Variants in SUZ12 observed in about 807,000 individuals in gnomAD.
The protein encoded by SUZ12 is polycomb protein SUZ12.
SUZ12 carries 17 observed loss-of-function variants against 87.3 expected under a neutral mutation model. That is an observed-to-expected ratio of 0.19 (90% CI 0.13 to 0.29). SUZ12 has a LOEUF of 0.29. Ranked by LOEUF, SUZ12 falls within the 10% of genes least tolerant of loss-of-function variation. SUZ12 has a pLI of 1.00. For missense variants in SUZ12, 526 were observed against 912.2 expected (o/e 0.58, Z 5.45); for synonymous variants, 253 against 312.4 (o/e 0.81, Z 2.01).
rs796524233 is a variant in SUZ12 at position 31,956,076 on chromosome 17, C to A, written c.455+8391C>A. ...TATAGGCGCCTGCCACCACGCCCGG[C>A]TAATTTTTTGTATTTTTTAGTAGAG... On this transcript the variant is annotated intron_variant, in intron 4 of 15. Coordinates refer to ENST00000322652, the MANE Select transcript of SUZ12 (RefSeq NM_015355.4). Among the ~76,000 whole-genome samples, 401 of 152,026 alleles carry A rather than the reference C, an allele frequency of 2.6e-3. 5 individuals are homozygous for A. Among genetic ancestry groups the A allele is most frequent in the African/African-American group, 9.1e-3 (379 of 41,494 alleles).
At chr17:31,945,061 CAAAAAAAA>C (rs34314619) in intron 3 of SUZ12, among the ~76,000 whole-genome samples, 4 of 79,256 alleles carry the variant, frequency 5.0e-5, no homozygotes, top group South Asian at 9.2e-4. Context: ...GATGGTGTCT[CAAAAAAAA>C]AAAAAAAAAA....
intron 8 of SUZ12, among the ~76,000 whole-genome samples, chr17:31,982,335 ATTGT>A (rs3084091): frequency 0.18 from 27,595 of 151,952 alleles, 3,059 homozygotes; most frequent in African/African-American, 0.31. Context: ...TAAGACAAGC[ATTGT>A]TTGTAACACT....
At chr17:31,937,600 C>T in intron 1 of SUZ12, 80 bp downstream of exon 1, 1 of 1,508,550 alleles carries the variant, frequency 6.6e-7, no homozygotes, top group South Asian at 1.2e-5. Context: ...GGGCCCCCTT[C>T]CTCCTCGGGA....
chr17:31,971,636 G>A (rs912922914), intron 5 of SUZ12, among the ~76,000 whole-genome samples: 12 of 151,796 alleles, frequency 7.9e-5, no homozygotes, highest in African/African-American at 2.9e-4. Context: ...CTCCGTGTTG[G>A]TCAGGCTGGT....
chr17:31,964,467 C>T (rs1287909535), intron 4 of SUZ12, among the ~76,000 whole-genome samples: 4 of 148,872 alleles, frequency 2.7e-5, no homozygotes, highest in East Asian at 2.1e-4. Context: ...AGTGCAATGG[C>T]GCAATCTCGG....
Position 31,984,174 on chromosome 17 carries a change from A to G in SUZ12, c.1023+1070A>G, listed in dbSNP as rs576438897. Among the ~76,000 whole-genome samples, 97 of 152,360 alleles carry G rather than the reference A, an allele frequency of 6.4e-4. 1 individual carries two copies. Among genetic ancestry groups the G allele is most frequent in the Non-Finnish European group, 3.2e-4 (22 of 68,028 alleles). On this transcript the variant is annotated intron_variant, in intron 9 of 15. Transcript: ENST00000322652. ...ATAAAGTTAAGAGAACTTAAACCCTATGGTATAAGCATAGGAATAGACAAG... is the reference window on the plus strand; with the variant it reads ...ATAAAGTTAAGAGAACTTAAACCCTGTGGTATAAGCATAGGAATAGACAAG...
At chr17:31,964,248 A>C (rs1404017183) in intron 4 of SUZ12, among the ~76,000 whole-genome samples, 1 of 151,734 alleles carries the variant, frequency 6.6e-6, no homozygotes, top group African/African-American at 2.4e-5. Flanking sequence ...GATAGTCTTC[A>C]TCTTCTGATC....
In SUZ12 at chr17:32,000,970, T is replaced by C; in HGVS notation, c.*1967T>C. The C allele has an allele frequency of 4.6e-6, 1 of 215,904 alleles. No individual in the cohort carries two copies. The highest frequency in any genetic ancestry group is 7.1e-5 in the East Asian group (1 of 14,002). 13.4% of individuals were successfully genotyped at this position (215,904 alleles called of 1,614,324 possible). On this transcript the variant is annotated 3_prime_UTR_variant, in exon 16 of 16. Transcript: ENST00000322652. ...AAAAAATTCAGTTTAAAAGAACATTTGTTTTTACATTAAATGTTTATTTGA... is the reference window on the plus strand; with the variant it reads ...AAAAAATTCAGTTTAAAAGAACATTCGTTTTTACATTAAATGTTTATTTGA...
chr17:31,974,956 T>C (rs574929581), intron 6 of SUZ12, among the ~76,000 whole-genome samples: 4 of 152,302 alleles, frequency 2.6e-5, no homozygotes, highest in Admixed American at 2.0e-4. Flanking sequence ...GGATGATGAT[T>C]CTTTCTGTTA....
chr17:31,970,419 G>C (rs1908356050), intron 5 of SUZ12, among the ~76,000 whole-genome samples: 1 of 152,050 alleles, frequency 6.6e-6, no homozygotes, highest in Admixed American at 6.6e-5. Flanking sequence ...CCTGAGGTAG[G>C]GAGTTTGAGA....
At position 31,943,940 on chromosome 17, in the gene SUZ12, C is replaced by T. The variant is rs1479587815; in HGVS notation, c.386+3454C>T. Among the ~76,000 whole-genome samples the T allele has an allele frequency of 2.6e-5, 4 of 151,954 alleles. 1 individual carries two copies. The South Asian group carries it at 6.2e-4, about 24-fold the overall frequency. On this transcript the variant is annotated intron_variant, in intron 3 of 15. Coordinates refer to ENST00000322652, the MANE Select transcript of SUZ12 (RefSeq NM_015355.4). ...CTCAAACTCCTGACCTCATGATCCG[C>T]CTGCCTTGGCCTCCCAAAGTGCTGG...
intron 10 of SUZ12, among the ~76,000 whole-genome samples, chr17:31,988,989 G>T (rs1032262916): frequency 2.0e-5 from 3 of 151,682 alleles, no homozygotes; most frequent in Admixed American, 6.6e-5. Flanking sequence ...TGAGAATGGC[G>T]TGAACCCAGA....
At chr17:31,960,703 G>C (rs571972565) in intron 4 of SUZ12, among the ~76,000 whole-genome samples, 1 of 151,906 alleles carries the variant, frequency 6.6e-6, no homozygotes, top group South Asian at 2.1e-4. Flanking sequence ...TCAGCCTCCC[G>C]AGTAACTGGG....
chr17:31,952,542 C>T (rs1907051521), intron 4 of SUZ12, among the ~76,000 whole-genome samples: 1 of 152,058 alleles, frequency 6.6e-6, no homozygotes, highest in Non-Finnish European at 1.5e-5. Context: ...TGCTGTCCTA[C>T]CAATTTTGGA....
chr17:31,984,874 G>A (rs982946716), intron 9 of SUZ12, among the ~76,000 whole-genome samples: 5 of 152,138 alleles, frequency 3.3e-5, no homozygotes, highest in Non-Finnish European at 7.4e-5. Context: ...AGTAAGTTGG[G>A]GCCGGGCTCA....
Position 32,000,026 on chromosome 17 carries a change from T to C in SUZ12, c.*1023T>C. 4.3e-6 allele frequency: 1 copy of C among 232,900 alleles called. No homozygotes were observed. Among genetic ancestry groups the C allele is most frequent in the Non-Finnish European group, 8.5e-6 (1 of 117,836 alleles). The allele number at this position is 232,900 out of a possible 1,614,324, so 14.4% of individuals were successfully genotyped here. On this transcript the variant is annotated 3_prime_UTR_variant, in exon 16 of 16. Coordinates refer to ENST00000322652, the MANE Select transcript of SUZ12 (RefSeq NM_015355.4). ...GCTGACTTGAATCATTTTGAGCAAT[T>C]TTGCCCTGTGTTATATGTGTTTCAC...
chr17:31,975,733 G>A lies in SUZ12; in HGVS notation c.823+20G>A, dbSNP rs1418080875. 1 of 1,562,908 alleles carries A rather than the reference G, an allele frequency of 6.4e-7. No individual in the cohort carries two copies. The highest frequency in any genetic ancestry group is 8.7e-7 in the Non-Finnish European group (1 of 1,143,102). On this transcript the variant is annotated intron_variant, in intron 7 of 15. Transcript: ENST00000322652. The stretch of plus-strand genomic sequence containing the variant: ...ATATTGGTAATTTTTTTTTTTACTA[G>A]ATTTTATCACTGGAGACTAAGATGG...
At chr17:31,998,337 C>G (rs1422372952) in intron 15 of SUZ12, among the ~76,000 whole-genome samples, 1 of 152,018 alleles carries the variant, frequency 6.6e-6, no homozygotes, top group African/African-American at 2.4e-5. Flanking sequence ...CCTCGGCCTC[C>G]CAAAGTGCTA....
In SUZ12 at chr17:31,937,403, T is replaced by C. The variant is rs1390852361; in HGVS notation, c.157T>C (p.Ser53Pro). ...GAGCTGTGGAGGGGGTGGCAGTTAC[T>C]CGGCCTCCTCCTCCTCCTCCGCGGC... ...GGSCGGGGSY[S>P]ASSSSSAAAA... is the part of the protein sequence containing the mutation. Residue 53 changes from serine (S) to proline (P), a missense_variant, in exon 1 of 16, where the codon TCG becomes CCG. This residue lies in a region of SUZ12 where 92 missense variants were observed against 109.9 expected (regional missense o/e 0.84). Transcript: ENST00000322652. 1 of 1,539,390 alleles carries C rather than the reference T, an allele frequency of 6.5e-7. No homozygotes were observed. The highest frequency in any genetic ancestry group is 8.7e-7 in the Non-Finnish European group (1 of 1,143,604).
Sources: gnomAD v4.1 joint callset for allele counts (sites outside exome capture counted in the v4.1 genomes callset) on GRCh38, gnomAD v4.1.1 for gene constraint, gnomAD v4.1.1 regional missense constraint, MANE v1.5 for transcripts, NCBI Gene and HGNC (gene_info 2026-07-23, HGNC 2026-07-21) for gene names.